NFASC: variants seen among roughly 807,000 people sequenced by gnomAD.
NFASC encodes the protein neurofascin homolog.
A neutral mutation model predicts 147.5 loss-of-function variants in NFASC; 43 were observed. The ratio of observed to expected loss-of-function variants is 0.29; its 90% CI spans 0.23 to 0.38. The LOEUF (loss-of-function observed/expected upper bound fraction) is 0.38. Ranked by LOEUF, NFASC falls within the 10% of genes least tolerant of loss-of-function variation. The pLI is 1.00. For synonymous variants in NFASC, 622 were observed against 665.5 expected, an observed-to-expected ratio of 0.93 and a Z score of 1.01; for missense variants, 1,320 against 1,689.0, an observed-to-expected ratio of 0.78 and a Z score of 3.83.
intron 24 of NFASC, among the ~76,000 whole-genome samples, chr1:204,992,643 C>T (rs995521983): frequency 2.0e-5 from 3 of 152,162 alleles, no homozygotes; most frequent in Non-Finnish European, 2.9e-5. Context: ...TCCCTGACTT[C>T]CTGCTTGAAG....
intron 1 of NFASC, among the ~76,000 whole-genome samples, chr1:204,881,473 C>T (rs2080213686): frequency 6.6e-6 from 1 of 152,208 alleles, no homozygotes; most frequent in African/African-American, 2.4e-5. Context: ...TCCTCTGCTC[C>T]CTGGAGCTCA....
rs2595966 is a variant in NFASC, at chr1:205,017,458, T to C, written c.*919T>C. 0.96 allele frequency: 147,338 copies of C among 153,056 alleles called. 70,937 individuals carry two copies. The highest frequency in any genetic ancestry group is 1 in the East Asian group (5,178 of 5,178). The allele number at this position is 153,056 out of a possible 1,614,324, so 9.5% of individuals were successfully genotyped here. A position where few individuals can be genotyped will look rare whatever the true frequency, so the allele number is the denominator to read the frequency against. ...CTGGTCTTGGGGGCACTGTGCTCAC[T>C]TCTAGAGAGAAGAAAAAGGCTGGGT... On this transcript the variant is annotated 3_prime_UTR_variant, in exon 30 of 30. Coordinates refer to ENST00000339876, the MANE Select transcript of NFASC (RefSeq NM_001005388.3).
rs2095637208 is a variant in NFASC at position 204,987,347 on chromosome 1, G to T, written c.2471-71G>T. 21 of 1,460,606 alleles carry T rather than the reference G, an allele frequency of 1.4e-5. No homozygotes were observed. Among genetic ancestry groups the T allele is most frequent in the Non-Finnish European group, 2.0e-5 (21 of 1,060,732 alleles). The allele number at this position is 1,460,606 out of a possible 1,614,324, so 90.5% of individuals were successfully genotyped here. ...GTCAATGCCTTCATACTTGTGCTTTGTTTTTTGTGTTTTCCTCATCCTCCC... is the reference window on the plus strand; with the variant it reads ...GTCAATGCCTTCATACTTGTGCTTTTTTTTTTGTGTTTTCCTCATCCTCCC... On this transcript the variant is annotated intron_variant, in intron 21 of 29. Coordinates refer to ENST00000339876, the MANE Select transcript of NFASC (RefSeq NM_001005388.3). The surrounding 1 kb of genome is among the most constrained non-coding windows in gnomAD (Gnocchi z 4.4).
At chr1:204,978,446 C>T (rs1043893311) in intron 17 of NFASC, among the ~76,000 whole-genome samples, 1 of 152,208 alleles carries the variant, frequency 6.6e-6, no homozygotes, top group Admixed American at 6.5e-5. Context: ...CTGGTCTGAT[C>T]CCCTCTCTTT....
At chr1:204,846,309 C>T (rs1023659358) in intron 1 of NFASC, among the ~76,000 whole-genome samples, 2 of 152,198 alleles carry the variant, frequency 1.3e-5, no homozygotes, top group African/African-American at 4.8e-5. Flanking sequence ...AATTGGAATC[C>T]ATTTCTCATA....
At chr1:204,997,519 C>A in intron 25 of NFASC, 113 bp downstream of exon 25, 1 of 1,167,974 alleles carries the variant, frequency 8.6e-7, no homozygotes, top group Non-Finnish European at 1.3e-6. Context: ...TGGTGTTTGC[C>A]ACCACCTCCC....
intron 28 of NFASC, among the ~76,000 whole-genome samples, chr1:205,011,213 C>CCT (rs1553328300): frequency 2.0e-5 from 3 of 151,730 alleles, no homozygotes; most frequent in African/African-American, 7.3e-5. Flanking sequence ...CAGGACCCCC[C>CCT]CCAAAACTCA....
chr1:205,010,043 G>A lies in NFASC; in HGVS notation c.3421+355G>A. The A allele has an allele frequency of 4.1e-6, 1 of 242,794 alleles. No individual in the cohort carries two copies. Among genetic ancestry groups the A allele is most frequent in the Non-Finnish European group, 8.2e-6 (1 of 122,482 alleles). 15.0% of individuals were successfully genotyped at this position (242,794 alleles called of 1,614,324 possible). A position where few individuals can be genotyped will look rare whatever the true frequency, so the allele number is the denominator to read the frequency against. On this transcript the variant is annotated intron_variant, in intron 28 of 29. Coordinates refer to ENST00000339876, the MANE Select transcript of NFASC (RefSeq NM_001005388.3). The surrounding 1 kb of genome is among the most constrained non-coding windows in gnomAD (Gnocchi z 4.1). ...CATTAGGATCCTGTGTCCCAGGGAA[G>A]GAGAAAGGAAGAGAGGCATTTTCCC...
intron 1 of NFASC, among the ~76,000 whole-genome samples, chr1:204,890,621 A>G (rs7541623): frequency 0.33 from 49,068 of 150,920 alleles, 14,975 homozygotes; most frequent in East Asian, 0.8. Flanking sequence ...CCAGGCTAAA[A>G]TATAATAGCA....
At chr1:204,909,346 T>C (rs1433268216) in intron 1 of NFASC, among the ~76,000 whole-genome samples, 1 of 152,196 alleles carries the variant, frequency 6.6e-6, no homozygotes, top group African/African-American at 2.4e-5. Context: ...ATTCCCCCAG[T>C]GGCTGATGAT....
chr1:204,893,033 C>A (rs2082698405), intron 1 of NFASC, among the ~76,000 whole-genome samples: 1 of 152,140 alleles, frequency 6.6e-6, no homozygotes, highest in Non-Finnish European at 1.5e-5. Context: ...TCCCATGAGA[C>A]TTGAACTAAA....
chr1:204,939,037 G>GTAT (rs1553265981), intron 2 of NFASC, among the ~76,000 whole-genome samples: 2 of 65,310 alleles, frequency 3.1e-5, no homozygotes, highest in African/African-American at 4.2e-5. Flanking sequence ...TGTATGGATG[G>GTAT]ATGTGTGTGT....
At chr1:205,002,500 C>T (rs1162211909) in intron 26 of NFASC, 96 bp from the exon 27 acceptor site, 1 of 1,081,848 alleles carries the variant, frequency 9.2e-7, no homozygotes, top group Non-Finnish European at 1.2e-6. Flanking sequence ...TCCCTTCCCC[C>T]ACACTTTCTA....
At chr1:204,913,543 G>A (rs1156467869) in intron 1 of NFASC, among the ~76,000 whole-genome samples, 2 of 152,174 alleles carry the variant, frequency 1.3e-5, no homozygotes, top group Non-Finnish European at 2.9e-5. Flanking sequence ...GATTGAAGAT[G>A]ACATTTCAAA....
chr1:204,831,073 A>G (rs1415945882), intron 1 of NFASC, among the ~76,000 whole-genome samples: 1 of 152,086 alleles, frequency 6.6e-6, no homozygotes, highest in Non-Finnish European at 1.5e-5. Flanking sequence ...TTCCTGGTAC[A>G]GGGAGAAAGC....
chr1:204,974,325 G>A (rs1231221330), intron 13 of NFASC, 35 bp downstream of exon 13: 3 of 1,511,784 alleles, frequency 2.0e-6, no homozygotes, highest in Non-Finnish European at 2.8e-6. Context: ...CCACAGCAGG[G>A]GTCACCTGTC....
intron 2 of NFASC, among the ~76,000 whole-genome samples, chr1:204,930,942 T>C (rs999632721): frequency 4.6e-5 from 7 of 152,164 alleles, no homozygotes; most frequent in Non-Finnish European, 7.4e-5. Context: ...GCTTGAGGGC[T>C]GCTCTGAGAA....
Position 204,974,734 on chromosome 1 carries a change from T to A in NFASC, c.1469T>A (p.Met490Lys), listed in dbSNP as rs777987723. The A allele has an allele frequency of 1.2e-6, 2 of 1,614,100 alleles. No individual in the cohort carries two copies. The highest frequency in any genetic ancestry group is 2.7e-5 in the African/African-American group (2 of 74,930). Residue 490 changes from methionine (M) to lysine (K), a missense_variant, in exon 14 of 30, where the codon ATG (methionine) becomes AAG (lysine). Transcript: ENST00000339876. The stretch of plus-strand genomic sequence containing the variant: ...GAGAACGGCAGTCTGGAAATTAAGA[T>A]GATCCGCAAAGAGGACCAGGGCATC... Reference protein sequence around the residue: ...VYENGSLEIKMIRKEDQGIYT... With the variant: ...VYENGSLEIKKIRKEDQGIYT...
rs12042110 is a variant in NFASC, at chr1:204,878,601, A to G, written c.-199-42031A>G. Among the ~76,000 whole-genome samples, 2,978 of 152,340 alleles carry G rather than the reference A, an allele frequency of 0.02. 158 individuals are homozygous for G. The East Asian group carries it at 0.21, about 11-fold the overall frequency. The stretch of plus-strand genomic sequence containing the variant: ...TTTGTTGTGTTTTTCAAAATATACA[A>G]AAGTAAAGAGTGTAGTATAATGAAT... On this transcript the variant is annotated intron_variant, in intron 1 of 29. Coordinates refer to ENST00000339876, the MANE Select transcript of NFASC (RefSeq NM_001005388.3).
Sources: gnomAD v4.1 joint callset for allele counts (sites outside exome capture counted in the v4.1 genomes callset) on GRCh38, gnomAD v4.1.1 for gene constraint, Gnocchi (gnomAD v3.1) non-coding constraint, MANE v1.5 for transcripts, NCBI Gene and HGNC (gene_info 2026-07-23, HGNC 2026-07-21) for gene names.